Variants in TENM4 observed in about 807,000 individuals in gnomAD.
The protein encoded by TENM4 is teneurin-4.
TENM4 carries 82 observed loss-of-function variants against 243.3 expected under a neutral mutation model. The ratio of observed to expected loss-of-function variants is 0.34; its 90% CI spans 0.28 to 0.40. The LOEUF (loss-of-function observed/expected upper bound fraction) is 0.40, where lower values mean the gene tolerates loss of function less well. Ranked by LOEUF, TENM4 falls within the 10% of genes least tolerant of loss-of-function variation. The pLI, the probability that TENM4 is intolerant of heterozygous loss-of-function variation, is 1.00. For synonymous variants in TENM4, 1,412 were observed against 1,456.3 expected (o/e 0.97, Z 0.69); for missense variants, 3,138 against 3,673.3 (o/e 0.85, Z 3.77).
chr11:79,211,908 GAC>G (rs1863963402), intron 3 of TENM4, among the ~76,000 whole-genome samples: 1 of 152,178 alleles, frequency 6.6e-6, no homozygotes. Flanking sequence ...GGCAGGGGAG[GAC>G]AAGGTATATT....
chr11:78,845,877 G>A (rs1037018337), intron 12 of TENM4, among the ~76,000 whole-genome samples: 2 of 152,194 alleles, frequency 1.3e-5, no homozygotes, highest in African/African-American at 4.8e-5. Context: ...TCTGAATGGA[G>A]GATAGGAGCA....
chr11:79,151,722 A>G lies in TENM4; in HGVS notation c.-162-2916T>C, dbSNP rs866359695. ...AGTCTTCCCTGATTCTCCTCCCCCAACAGGCACAGATGAACCTAGACACTC... is the reference window on the plus strand; with the variant it reads ...AGTCTTCCCTGATTCTCCTCCCCCAGCAGGCACAGATGAACCTAGACACTC... On this transcript the variant is annotated intron_variant, in intron 3 of 33. Coordinates refer to ENST00000278550, the MANE Select transcript of TENM4 (RefSeq NM_001098816.3). Among the ~76,000 whole-genome samples, 4 of 152,056 alleles carry G rather than the reference A, an allele frequency of 2.6e-5. No homozygotes were observed. The South Asian group carries it at 8.3e-4, about 32-fold the overall frequency.
At chr11:79,421,103 C>A (rs1451393839) in intron 1 of TENM4, among the ~76,000 whole-genome samples, 1 of 152,184 alleles carries the variant, frequency 6.6e-6, no homozygotes, top group Admixed American at 6.5e-5. Context: ...CTTTGCTTTT[C>A]TCTTTGCAAA....
At chr11:78,709,020 T>G (rs1247622702) in intron 26 of TENM4, among the ~76,000 whole-genome samples, 2 of 150,874 alleles carry the variant, frequency 1.3e-5, no homozygotes, top group Admixed American at 1.3e-4. Context: ...CAGGCTGTAG[T>G]GCAGTGGCGC....
chr11:79,049,059 C>T (rs1284198278), intron 6 of TENM4, among the ~76,000 whole-genome samples: 1 of 152,134 alleles, frequency 6.6e-6, no homozygotes, highest in African/African-American at 2.4e-5. Flanking sequence ...TTCTGTATAC[C>T]ATGAGCCCCT....
In TENM4 at chr11:79,036,958, C is replaced by T. The variant is rs145012040; in HGVS notation, c.493+27780G>A. On this transcript the variant is annotated intron_variant, in intron 6 of 33. Transcript: ENST00000278550. ...CCTGGAAGGCAGAGCTTGCAGTGAG[C>T]GGAGATTGCATTGTGCCACTGCACT... 6.5e-4 allele frequency among the ~76,000 whole-genome samples: 86 copies of T among 132,716 alleles called. No homozygotes were observed. In the Middle Eastern group the frequency reaches 0.014, roughly 22 times the overall value. The allele number at this position is 132,716 out of a possible 152,430, so 87.1% of individuals were successfully genotyped here. A position where few individuals can be genotyped will look rare whatever the true frequency, so the allele number is the denominator to read the frequency against.
intron 1 of TENM4, among the ~76,000 whole-genome samples, chr11:79,399,125 C>A (rs1228092673): frequency 1.3e-5 from 2 of 152,168 alleles, no homozygotes; most frequent in Non-Finnish European, 2.9e-5. Context: ...AACATAAAGA[C>A]AGCCCCAGAT....
chr11:79,293,391 T>C (rs1270097758), intron 2 of TENM4, among the ~76,000 whole-genome samples: 1 of 151,756 alleles, frequency 6.6e-6, no homozygotes, highest in Non-Finnish European at 1.5e-5. Context: ...CCTGTGGTCC[T>C]AGCTACTTGG....
chr11:79,416,190 T>C (rs1858809356), intron 1 of TENM4, among the ~76,000 whole-genome samples: 1 of 152,210 alleles, frequency 6.6e-6, no homozygotes, highest in Non-Finnish European at 1.5e-5. Flanking sequence ...CAAATAGAGG[T>C]GCCTCAAACA....
At chr11:79,000,281 T>C (rs748993419) in intron 6 of TENM4, among the ~76,000 whole-genome samples, 2 of 152,126 alleles carry the variant, frequency 1.3e-5, no homozygotes, top group Non-Finnish European at 2.9e-5. Context: ...AATATTGAGA[T>C]ATACTCAAAT....
intron 3 of TENM4, among the ~76,000 whole-genome samples, chr11:79,164,016 A>ATAG (rs201786262): frequency 5.9e-5 from 4 of 68,194 alleles, no homozygotes; most frequent in Admixed American, 1.6e-4. Context: ...TATAGTATAT[A>ATAG]TATAGTATGT....
chr11:78,813,868 A>G (rs1184836689), intron 13 of TENM4, among the ~76,000 whole-genome samples: 2 of 152,208 alleles, frequency 1.3e-5, no homozygotes, highest in African/African-American at 4.8e-5. Context: ...GAAAGTAGCA[A>G]CAGAGCAGTC....
chr11:78,741,522 T>G (rs750269446), intron 19 of TENM4, among the ~76,000 whole-genome samples: 6 of 152,330 alleles, frequency 3.9e-5, no homozygotes, highest in Admixed American at 1.3e-4. Flanking sequence ...AAACGTAACA[T>G]CAAACATGGC....
chr11:78,853,968 G>A, intron 12 of TENM4, 136 bp downstream of exon 12: 1 of 834,162 alleles, frequency 1.2e-6, no homozygotes, highest in Non-Finnish European at 1.8e-6. Context: ...GGCCCAGTCA[G>A]GAGGGTCTCG....
At chr11:79,173,780 T>A (rs1233483870) in intron 3 of TENM4, among the ~76,000 whole-genome samples, 1 of 152,150 alleles carries the variant, frequency 6.6e-6, no homozygotes, top group Non-Finnish European at 1.5e-5. Flanking sequence ...GCTGTAATAG[T>A]GCAGTTGCCG....
intron 1 of TENM4, among the ~76,000 whole-genome samples, chr11:79,357,054 C>T (rs1159080408): frequency 6.6e-6 from 1 of 152,186 alleles, no homozygotes; most frequent in Non-Finnish European, 1.5e-5. Flanking sequence ...CTCTTCTCTT[C>T]TTTCACTCTG....
At chr11:78,753,934 G>A (rs893633660) in intron 19 of TENM4, among the ~76,000 whole-genome samples, 1 of 152,200 alleles carries the variant, frequency 6.6e-6, no homozygotes. Context: ...AATCTGCAAT[G>A]TGATTTTTAG....
In TENM4 at chr11:78,889,964, C is replaced by G; in HGVS notation, c.905G>C (p.Gly302Ala). 3 of 1,551,330 alleles carry G rather than the reference C, an allele frequency of 1.9e-6. No individual in the cohort carries two copies. Among genetic ancestry groups the G allele is most frequent in the Non-Finnish European group, 2.6e-6 (3 of 1,146,840 alleles). ...TSPLFCTTSPGYPLTSSTVYS... is the reference protein window; with the variant it reads ...TSPLFCTTSPAYPLTSSTVYS... ...CACTGTGCTGGACGTCAGTGGGTAC[C>G]CTGGTGATGTGGTGCAGAAGAGCGG... The change falls in exon 9 of 34, where the codon GGG becomes GCG. Residue 302 changes from glycine to alanine, a missense_variant. Physicochemically the swap from Gly to Ala is moderately conservative, Grantham distance 60. Transcript: ENST00000278550.
intron 6 of TENM4, among the ~76,000 whole-genome samples, chr11:78,980,357 A>C (rs1001026235): frequency 6.6e-6 from 1 of 152,212 alleles, no homozygotes; most frequent in Non-Finnish European, 1.5e-5. Context: ...GTCAATCAAC[A>C]TGGCCAATGT....
Sources: gnomAD v4.1 joint callset for allele counts (sites outside exome capture counted in the v4.1 genomes callset) on GRCh38, gnomAD v4.1.1 for gene constraint, MANE v1.5 for transcripts, NCBI Gene and HGNC (gene_info 2026-07-23, HGNC 2026-07-21) for gene names.